Variants in HERC2 observed in about 807,000 individuals in gnomAD.
HERC2 encodes the protein E3 ubiquitin-protein ligase HERC2.
Under a neutral mutation model 537.7 loss-of-function variants are expected in HERC2, and 102 were observed. The observed-to-expected ratio is 0.19, with a 90% CI of 0.16 to 0.22. The LOEUF is 0.22. Among genes scored for constraint, HERC2 ranks in the 10% least tolerant of loss-of-function variants. The pLI, the probability that HERC2 is intolerant of heterozygous loss-of-function variation, is 1.00. For synonymous variants in HERC2, 2,224 were observed against 2,466.2 expected (o/e 0.90, Z 2.91); for missense variants, 4,236 against 6,198.2 (o/e 0.68, Z 10.63).
At chr15:28,160,109 G>A (rs560441001) in intron 69 of HERC2, among the ~76,000 whole-genome samples, 1 of 152,168 alleles carries the variant, frequency 6.6e-6, no homozygotes, top group Admixed American at 6.6e-5. Context: ...GTCTCAGAGG[G>A]GTACCCGGCC....
chr15:28,271,618 G>A (rs748235507), intron 9 of HERC2, among the ~76,000 whole-genome samples: 12 of 151,928 alleles, frequency 7.9e-5, no homozygotes, highest in South Asian at 4.1e-4. Context: ...GCAGTGAGCC[G>A]AGATCACGCC....
intron 4 of HERC2, among the ~76,000 whole-genome samples, chr15:28,289,573 G>T (rs1380402639): frequency 6.6e-6 from 1 of 152,144 alleles, no homozygotes; most frequent in African/African-American, 2.4e-5. Flanking sequence ...GCCAGTCGCT[G>T]GAGCTGATCT....
intron 65 of HERC2, among the ~76,000 whole-genome samples, chr15:28,171,153 CGTAAA>C (rs1431597244): frequency 6.6e-6 from 1 of 152,254 alleles, no homozygotes; most frequent in Non-Finnish European, 1.5e-5. Flanking sequence ...CTTATTTTCA[CGTAAA>C]GTAAATTTTC....
intron 78 of HERC2, among the ~76,000 whole-genome samples, chr15:28,139,760 T>C (rs528656290): frequency 3.6e-4 from 55 of 152,200 alleles, no homozygotes; most frequent in Admixed American, 3.3e-4. Flanking sequence ...CTGGCTATAC[T>C]AATCCATTAG....
intron 86 of HERC2, among the ~76,000 whole-genome samples, chr15:28,120,491 A>G (rs756596368): frequency 5.1e-4 from 77 of 152,206 alleles, no homozygotes; most frequent in Non-Finnish European, 7.1e-4. Flanking sequence ...TCTGCACGCT[A>G]TCATCATCAG....
chr15:28,188,452 G>A (rs1235365289), intron 55 of HERC2, among the ~76,000 whole-genome samples: 3 of 151,982 alleles, frequency 2.0e-5, no homozygotes, highest in Non-Finnish European at 4.4e-5. Context: ...GCTGAGGCAG[G>A]AGAATGGAGT....
intron 2 of HERC2, among the ~76,000 whole-genome samples, chr15:28,309,389 C>A (rs1307027173): frequency 1.3e-5 from 2 of 152,146 alleles, no homozygotes; most frequent in African/African-American, 4.8e-5. Context: ...TAGCCTCTTG[C>A]TGAATTGGCC....
chr15:28,134,112 C>T (rs1161756995), intron 79 of HERC2, among the ~76,000 whole-genome samples: 1 of 152,140 alleles, frequency 6.6e-6, no homozygotes, highest in African/African-American at 2.4e-5. Flanking sequence ...ACAGCATGCC[C>T]CTTCACGACT....
chr15:28,307,024 G>A (rs1007601655), intron 2 of HERC2, among the ~76,000 whole-genome samples: 4 of 152,090 alleles, frequency 2.6e-5, no homozygotes, highest in African/African-American at 4.8e-5. Context: ...TAGTAGAGTT[G>A]GAGTTTCACC....
intron 11 of HERC2, 39 bp downstream of exon 11, chr15:28,269,209 G>A (rs200703084): frequency 1.2e-5 from 19 of 1,566,022 alleles, no homozygotes; most frequent in Admixed American, 1.7e-5. Flanking sequence ...ACCCTGCCCC[G>A]CAAGGGAACA....
intron 67 of HERC2, among the ~76,000 whole-genome samples, chr15:28,168,037 A>G (rs1241327391): frequency 6.6e-6 from 1 of 152,212 alleles, no homozygotes; most frequent in Admixed American, 6.5e-5. Flanking sequence ...AAGCACATTC[A>G]TATTTTCAAG....
At chr15:28,261,277 T>C (rs1368672017) in intron 15 of HERC2, among the ~76,000 whole-genome samples, 1 of 152,134 alleles carries the variant, frequency 6.6e-6, no homozygotes, top group Admixed American at 6.5e-5. Context: ...GTGCTTTTAA[T>C]TAACTATTAG....
At chr15:28,284,910 T>C (rs1163297391) in intron 4 of HERC2, among the ~76,000 whole-genome samples, 1 of 87,310 alleles carries the variant, frequency 1.1e-5, no homozygotes, top group Non-Finnish European at 2.0e-5. Context: ...GGAGCGAAAC[T>C]CCGTCTCGGA....
intron 4 of HERC2, among the ~76,000 whole-genome samples, chr15:28,287,365 G>C (rs936343611): frequency 1.3e-5 from 2 of 152,132 alleles, no homozygotes; most frequent in African/African-American, 4.8e-5. Context: ...TAGAGAGTCG[G>C]TTCTGCGAAA....
chr15:28,300,598 A>G (rs1213897855), intron 2 of HERC2, among the ~76,000 whole-genome samples: 1 of 150,194 alleles, frequency 6.7e-6, no homozygotes, highest in Non-Finnish European at 1.5e-5. Context: ...AAGGCAGGTA[A>G]ATCACTTGAG....
intron 3 of HERC2, among the ~76,000 whole-genome samples, chr15:28,295,793 C>G (rs1490088469): frequency 6.6e-6 from 1 of 152,150 alleles, no homozygotes; most frequent in Non-Finnish European, 1.5e-5. Context: ...CTTTTCGTGT[C>G]CATAAATAAA....
intron 44 of HERC2, 139 bp downstream of exon 44, chr15:28,210,863 T>C (rs1899129132): frequency 2.6e-6 from 2 of 768,318 alleles, no homozygotes; most frequent in South Asian, 1.6e-5. Context: ...TCACAGTTGG[T>C]GGTTGCTGGG....
intron 16 of HERC2, among the ~76,000 whole-genome samples, chr15:28,260,206 A>G (rs1049960698): frequency 6.6e-6 from 1 of 152,118 alleles, no homozygotes; most frequent in African/African-American, 2.4e-5. Context: ...TTTAAGAAAA[A>G]GAAAAGTAAA....
In HERC2 at chr15:28,198,666, A is replaced by AC; in HGVS notation, c.7819dup (p.Val2607GlyfsTer4). The AC allele has an allele frequency of 6.2e-7, 1 of 1,614,186 alleles. No individual in the cohort carries two copies. The highest frequency in any genetic ancestry group is 8.5e-7 in the Non-Finnish European group (1 of 1,180,018). On this transcript the variant is annotated frameshift_variant, in exon 49 of 93. Coordinates refer to ENST00000261609, the MANE Select transcript of HERC2 (RefSeq NM_004667.6). LOFTEE classifies it high-confidence loss of function. ...CCCTTTCTGCTGCCAGTCACACTGC[A>AC]CATTGAGATCATGCAATCCATCTCT...
Sources: allele counts gnomAD v4.1 joint callset (sites outside exome capture counted in the v4.1 genomes callset), GRCh38; gene constraint gnomAD v4.1.1; transcripts MANE v1.5; gene names NCBI Gene and HGNC (gene_info 2026-07-23, HGNC 2026-07-21).